Variants in FIRRM observed in about 807,000 individuals in gnomAD.
FIRRM encodes the protein FIGNL1 interacting regulator of recombination and mitosis.
chr1:169,822,417 T>C, the FIRRM span, among the ~76,000 whole-genome samples: 4 of 152,112 alleles, frequency 2.6e-5, no homozygotes, highest in African/African-American at 7.2e-5. Flanking sequence ...ACCACTAATA[T>C]CTTTTACTAA....
the FIRRM span, chr1:169,808,076 T>C: frequency 1.3e-6 from 1 of 762,196 alleles, no homozygotes; most frequent in South Asian, 1.9e-5. Context: ...TGGGATTATT[T>C]ATATCCCATA....
At chr1:169,797,703 C>T in the FIRRM span, among the ~76,000 whole-genome samples, 1 of 152,116 alleles carries the variant, frequency 6.6e-6, no homozygotes, top group Non-Finnish European at 1.5e-5. Flanking sequence ...TGCCACCATG[C>T]CCGGCTAATT....
chr1:169,786,370 C>G, the FIRRM span, among the ~76,000 whole-genome samples: 1 of 152,120 alleles, frequency 6.6e-6, no homozygotes, highest in Non-Finnish European at 1.5e-5. Flanking sequence ...AGAGTTTAAT[C>G]TGTGGAAAGC....
chr1:169,803,956 A>G, the FIRRM span: 26 of 560,620 alleles, frequency 4.6e-5, no homozygotes, highest in African/African-American at 4.8e-4. Context: ...GATGTTCACT[A>G]AACAATGAAT....
At chr1:169,802,704 C>G in the FIRRM span, 2 of 1,608,074 alleles carry the variant, frequency 1.2e-6, no homozygotes, top group Non-Finnish European at 1.7e-6. Context: ...AAATCCAGAC[C>G]ACTCTAAGGA....
chr1:169,820,148 A>G, the FIRRM span, among the ~76,000 whole-genome samples: 2 of 152,234 alleles, frequency 1.3e-5, no homozygotes, highest in Non-Finnish European at 2.9e-5. Flanking sequence ...GGGCAAGATG[A>G]AAGAGTGGAC....
At chr1:169,789,492 C>T in the FIRRM span, among the ~76,000 whole-genome samples, 1 of 152,130 alleles carries the variant, frequency 6.6e-6, no homozygotes, top group African/African-American at 2.4e-5. Flanking sequence ...GACAGAACGT[C>T]GTCTGTGGGA....
chr1:169,791,130 C>T, the FIRRM span, among the ~76,000 whole-genome samples: 171 of 152,306 alleles, frequency 1.1e-3, 1 homozygote, highest in Middle Eastern at 3.4e-3. Context: ...CACCTCCTGC[C>T]GTGCAGCTCA....
At chr1:169,850,163 T>C in the FIRRM span, 2 of 700,630 alleles carry the variant, frequency 2.9e-6, no homozygotes, top group Admixed American at 2.6e-5. Flanking sequence ...GGACTCTTAC[T>C]TAAAATGAAT....
At chr1:169,804,067 G>A in the FIRRM span, 15 of 1,435,954 alleles carry the variant, frequency 1.0e-5, no homozygotes, top group African/African-American at 8.6e-5. Context: ...TTATTTATCC[G>A]TAATCAGAAT....
At chr1:169,794,065 A>G in the FIRRM span, among the ~76,000 whole-genome samples, 2 of 151,880 alleles carry the variant, frequency 1.3e-5, no homozygotes, top group South Asian at 2.1e-4. Context: ...AGATTTGGAC[A>G]CTCATACACA....
chr1:169,798,272 GTC>G, the FIRRM span, among the ~76,000 whole-genome samples: 2 of 150,064 alleles, frequency 1.3e-5, no homozygotes, highest in African/African-American at 4.9e-5. Flanking sequence ...CAGCAAGACC[GTC>G]TCTCTTTTTT....
chr1:169,805,042 C>T, the FIRRM span, among the ~76,000 whole-genome samples: 3 of 152,200 alleles, frequency 2.0e-5, no homozygotes, highest in Non-Finnish European at 4.4e-5. Flanking sequence ...TTTTATCACT[C>T]ATTAATGGAT....
chr1:169,803,329 T>C, the FIRRM span: 1 of 1,611,410 alleles, frequency 6.2e-7, no homozygotes, highest in Non-Finnish European at 8.5e-7. Flanking sequence ...GGTCTAATTA[T>C]ACTTTGAATG....
chr1:169,810,883 C>T, the FIRRM span, among the ~76,000 whole-genome samples: 4 of 88,512 alleles, frequency 4.5e-5, no homozygotes, highest in South Asian at 4.4e-4. Context: ...GACGGAGTCT[C>T]GCTCTGTCGC....
the FIRRM span, among the ~76,000 whole-genome samples, chr1:169,805,517 T>C: frequency 6.6e-6 from 1 of 152,326 alleles, no homozygotes; most frequent in South Asian, 2.1e-4. Flanking sequence ...TCATAGCGTT[T>C]AGCCCAGAGT....
At chr1:169,795,318 C>A in the FIRRM span, 1 of 1,434,052 alleles carries the variant, frequency 7.0e-7, no homozygotes. Context: ...GTTATATTAC[C>A]GCGGCCTGAA....
the FIRRM span, chr1:169,821,721 T>C: frequency 1.2e-6 from 2 of 1,612,256 alleles, no homozygotes; most frequent in Non-Finnish European, 1.7e-6. Flanking sequence ...ACTCAAATTG[T>C]GTCGTTTTTT....
the FIRRM span, chr1:169,851,250 T>A: frequency 6.5e-6 from 1 of 153,124 alleles, no homozygotes. Flanking sequence ...CAGGAGAAAC[T>A]GAATTATTTG....
Sources: allele counts gnomAD v4.1 joint callset (sites outside exome capture counted in the v4.1 genomes callset), GRCh38; gene constraint gnomAD v4.1.1; transcripts MANE v1.5; gene names NCBI Gene and HGNC (gene_info 2026-07-23, HGNC 2026-07-21).